The following HNF4G variants were observed in gnomAD, a reference collection of about 807,000 sequenced individuals.
HNF4G encodes hepatocyte nuclear factor 4-gamma.
Under a neutral mutation model 50.9 loss-of-function variants are expected in HNF4G, and 21 were observed. The ratio of observed to expected loss-of-function variants is 0.41; its 90% CI spans 0.29 to 0.59. The LOEUF is 0.59. Ranked by LOEUF, HNF4G falls within the 20% of genes least tolerant of loss-of-function variation. The pLI is 0.26. For synonymous variants in HNF4G, 198 were observed against 185.6 expected (o/e 1.07, Z -0.54); for missense variants, 527 against 559.4 (o/e 0.94, Z 0.58).
chr8:75,422,411 AT>A (rs1194906977), intron 1 of HNF4G, among the ~76,000 whole-genome samples: 1 of 152,172 alleles, frequency 6.6e-6, no homozygotes, highest in Non-Finnish European at 1.5e-5. Flanking sequence ...TTCATGTTGG[AT>A]TTCTGCAAAG....
chr8:75,447,231 G>A (rs1811442309), intron 1 of HNF4G, among the ~76,000 whole-genome samples: 1 of 38,140 alleles, frequency 2.6e-5, no homozygotes, highest in Non-Finnish European at 4.7e-5. Flanking sequence ...CTAGCCATAT[G>A]TAGAAAGCTG....
intron 1 of HNF4G, among the ~76,000 whole-genome samples, chr8:75,474,019 G>A (rs1219790195): frequency 2.0e-5 from 3 of 152,142 alleles, no homozygotes; most frequent in Admixed American, 1.3e-4. Flanking sequence ...TAGGATGGAG[G>A]TGAAAATCTT....
intron 1 of HNF4G, among the ~76,000 whole-genome samples, chr8:75,462,860 TAAC>T (rs1413216209): frequency 6.6e-6 from 1 of 152,092 alleles, no homozygotes; most frequent in Non-Finnish European, 1.5e-5. Flanking sequence ...TTTTAGAAAA[TAAC>T]AAAGATAGAG....
chr8:75,550,415 T>A (rs1161995954), intron 3 of HNF4G, among the ~76,000 whole-genome samples: 2 of 152,048 alleles, frequency 1.3e-5, no homozygotes, highest in African/African-American at 4.8e-5. Flanking sequence ...TGGGTTCAAG[T>A]GATTCTCCTG....
intron 2 of HNF4G, among the ~76,000 whole-genome samples, chr8:75,519,734 A>G (rs746039823): frequency 6.6e-6 from 1 of 152,136 alleles, no homozygotes; most frequent in Non-Finnish European, 1.5e-5. Context: ...ACACAGCCAA[A>G]CCATATAAAT....
Position 75,512,450 on chromosome 8 carries a change from CTATTAT to C in HNF4G, c.-24+22259_-24+22264del, listed in dbSNP as rs67502734. ...ATCTTTATTATTATTATTACTATTA[CTATTAT>C]TATTATTATTATTATTGTTATTATT... On this transcript the variant is annotated intron_variant, in intron 2 of 10. Transcript: ENST00000354370. Among the ~76,000 whole-genome samples, 14 of 146,874 alleles carry C rather than the reference CTATTAT, an allele frequency of 9.5e-5. No individual in the cohort carries two copies. In the South Asian group the frequency reaches 1.1e-3, roughly 11 times the overall value.
intron 1 of HNF4G, among the ~76,000 whole-genome samples, chr8:75,489,123 G>A (rs911678228): frequency 1.3e-5 from 2 of 152,122 alleles, no homozygotes; most frequent in Admixed American, 1.3e-4. Flanking sequence ...TTGGAGCCAC[G>A]CATATATTCA....
At chr8:75,500,070 AG>A in intron 2 of HNF4G, among the ~76,000 whole-genome samples, 1 of 152,288 alleles carries the variant, frequency 6.6e-6, no homozygotes, top group South Asian at 2.1e-4. Context: ...GACATTATCA[AG>A]AAAGTGAAGA....
chr8:75,508,917 G>A (rs1339070232), intron 2 of HNF4G, among the ~76,000 whole-genome samples: 1 of 152,192 alleles, frequency 6.6e-6, no homozygotes, highest in East Asian at 1.9e-4. Context: ...TTGAGTGAAT[G>A]ATGTCACGAA....
At position 75,465,192 on chromosome 8, in the gene HNF4G, C is replaced by T. The variant is rs532879496; in HGVS notation, c.-143-24897C>T. On this transcript the variant is annotated intron_variant, in intron 1 of 10. Coordinates refer to the HNF4G transcript ENST00000354370. ...CAGATCCTACAGCTAACCCATGTAG[C>T]CTCATATAGACTCTATGCAAAAATT... Among the ~76,000 whole-genome samples the T allele has an allele frequency of 1.7e-4, 26 of 152,214 alleles. 1 individual carries two copies. The highest frequency in any genetic ancestry group is 3.1e-4 in the Non-Finnish European group (21 of 68,000).
intron 2 of HNF4G, among the ~76,000 whole-genome samples, chr8:75,499,564 A>G (rs557194940): frequency 1.5e-5 from 2 of 132,616 alleles, no homozygotes; most frequent in African/African-American, 6.1e-5. Context: ...AAGAGACCTA[A>G]AATATGCAAA....
rs748103125 is a variant in HNF4G at position 75,560,464 on chromosome 8, T to C, written c.1244T>C (p.Ile415Thr). Reference protein sequence around the residue: ...PMSTLVHADQISTPETPLPSP... With the variant: ...PMSTLVHADQTSTPETPLPSP... ...TCAACACTGGTTCATGCAGACCAGA[T>C]CTGTAAGTTTATAGACTACTTTTCA... The change falls in exon 9 of 10, where the codon ATC becomes ACC. Residue 415 changes from isoleucine to threonine, a missense_variant and splice_region_variant. Ile to Thr is a moderately conservative substitution (Grantham distance 89). Around this residue, in one of 5 missense-constraint regions of HNF4G, gnomAD observed 308 missense variants for 301.5 expected, o/e 1.02. Transcript: ENST00000396423. 1.9e-6 allele frequency: 3 copies of C among 1,609,326 alleles called. No homozygotes were observed. The African/African-American group carries it at 4.0e-5, about 22-fold the overall frequency.
rs184641387 is a variant in HNF4G, at chr8:75,555,885, C to A, written c.646-97C>A. On this transcript the variant is annotated intron_variant, in intron 5 of 9. Transcript: ENST00000396423. Reference sequence around the variant, plus strand: ...TACTATAGTTTGTTAAACAAAAAGTCCCAGGCTTAAAGAACACTCTAAGTT... The same window carrying A: ...TACTATAGTTTGTTAAACAAAAAGTACCAGGCTTAAAGAACACTCTAAGTT... The A allele has an allele frequency of 2.0e-3, 1,209 of 601,480 alleles. 2 individuals carry two copies. Among genetic ancestry groups the A allele is most frequent in the Non-Finnish European group, 2.6e-3 (938 of 365,926 alleles). 37.3% of individuals were successfully genotyped at this position (601,480 alleles called of 1,614,324 possible).
chr8:75,455,658 G>A (rs1811702475), intron 1 of HNF4G, among the ~76,000 whole-genome samples: 3 of 152,090 alleles, frequency 2.0e-5, no homozygotes, highest in Admixed American at 1.3e-4. Context: ...GTTTGATTTT[G>A]CAGACACTCC....
At chr8:75,495,852 A>G (rs535926954) in intron 2 of HNF4G, among the ~76,000 whole-genome samples, 24 of 152,140 alleles carry the variant, frequency 1.6e-4, no homozygotes, top group Admixed American at 3.3e-4. Context: ...TATGCAGTAT[A>G]AAGAATAATA....
chr8:75,458,084 G>A (rs559794890), intron 1 of HNF4G, among the ~76,000 whole-genome samples: 1 of 152,102 alleles, frequency 6.6e-6, no homozygotes, highest in Non-Finnish European at 1.5e-5. Context: ...ATTACAGAGT[G>A]AGCCACCATG....
upstream of HNF4G, among the ~76,000 whole-genome samples, chr8:75,539,345 A>T (rs2977928): frequency 0.66 from 100,279 of 152,082 alleles, 34,960 homozygotes; most frequent in African/African-American, 0.9. Flanking sequence ...AAGGCCATAT[A>T]AGGGTTACGC....
At chr8:75,505,548 G>T (rs550866233) in intron 2 of HNF4G, among the ~76,000 whole-genome samples, 34 of 152,162 alleles carry the variant, frequency 2.2e-4, no homozygotes, top group African/African-American at 8.2e-4. Flanking sequence ...ACTAAAATAT[G>T]AACAAAGTTA....
rs1225248195 is a variant in HNF4G at position 75,507,706 on chromosome 8, A to G, written c.-24+17498A>G. Among the ~76,000 whole-genome samples the G allele has an allele frequency of 2.6e-5, 4 of 152,184 alleles. No homozygotes were observed. The East Asian group carries it at 7.7e-4, about 29-fold the overall frequency. On this transcript the variant is annotated intron_variant, in intron 2 of 10. Transcript: ENST00000354370. ...ATACTGCATTTTATAAAACTATCTG[A>G]TATATATAATAAAGTTATAAAACTT...
Sources: gnomAD v4.1 joint callset for allele counts (sites outside exome capture counted in the v4.1 genomes callset) on GRCh38, gnomAD v4.1.1 for gene constraint, gnomAD v4.1.1 regional missense constraint, MANE v1.5 for transcripts, NCBI Gene and HGNC (gene_info 2026-07-23, HGNC 2026-07-21) for gene names.